Variants in NFATC3 observed in about 807,000 individuals in gnomAD.
NFATC3 encodes nuclear factor of activated T cells 3, also known as nuclear factor of activated T-cells, cytoplasmic 3.
Under a neutral mutation model 98.6 loss-of-function variants are expected in NFATC3, and 46 were observed. The ratio of observed to expected loss-of-function variants is 0.47; its 90% CI spans 0.37 to 0.60. NFATC3 has a LOEUF of 0.60. NFATC3 is among the 20% of genes least tolerant of loss of function. NFATC3 has a pLI of 0.00. For synonymous variants in NFATC3, 512 were observed against 472.2 expected, an observed-to-expected ratio of 1.08 and a Z score of -1.09; for missense variants, 1,256 against 1,295.5, an observed-to-expected ratio of 0.97 and a Z score of 0.47.
chr16:68,164,736 C>T (rs953663384), intron 4 of NFATC3, among the ~76,000 whole-genome samples: 7 of 151,512 alleles, frequency 4.6e-5, no homozygotes, highest in East Asian at 1.9e-4. Flanking sequence ...AAAAATTAGC[C>T]GGGCGTGGTG....
chr16:68,098,297 ATTATTTT>A lies in NFATC3; in HGVS notation c.103+12516_103+12522del, dbSNP rs1401310553. 1.2e-3 allele frequency among the ~76,000 whole-genome samples: 118 copies of A among 101,424 alleles called. 1 individual carries two copies. Among genetic ancestry groups the A allele is most frequent in the African/African-American group, 4.8e-3 (110 of 23,070 alleles). The allele number at this position is 101,424 out of a possible 152,430, so 66.5% of individuals were successfully genotyped here. On this transcript the variant is annotated intron_variant, in intron 1 of 9. Coordinates refer to ENST00000346183, the MANE Select transcript of NFATC3 (RefSeq NM_173165.3). ...TATTATTATTATTATTATTATTATTATTATTTTTTTTTTTTTTTTTTTAGATGGAGTC... is the reference window on the plus strand; with the variant it reads ...TATTATTATTATTATTATTATTATTATTTTTTTTTTTTTTTAGATGGAGTC...
At chr16:68,113,853 C>T (rs746143663) in intron 1 of NFATC3, among the ~76,000 whole-genome samples, 2 of 152,250 alleles carry the variant, frequency 1.3e-5, no homozygotes, top group African/African-American at 4.8e-5. Context: ...AATCTGGCCA[C>T]GATCTGCCAC....
At chr16:68,170,693 A>G (rs2039419803) in intron 5 of NFATC3, among the ~76,000 whole-genome samples, 1 of 151,876 alleles carries the variant, frequency 6.6e-6, no homozygotes. Flanking sequence ...GGGTTTTACC[A>G]TGTTGGTCAC....
At position 68,228,485 on chromosome 16, in the gene NFATC3, C is replaced by T. The variant is rs2042077824; in HGVS notation, c.*2014C>T. 2 of 152,554 alleles carry T rather than the reference C, an allele frequency of 1.3e-5. No homozygotes were observed. 9.5% of individuals were successfully genotyped at this position (152,554 alleles called of 1,614,324 possible). On this transcript the variant is annotated 3_prime_UTR_variant, in exon 10 of 10. Transcript: ENST00000346183. Reference sequence around the variant, plus strand: ...CTCAAGAATTAAAAGCCTCTATGATCCAGAGTTGCTATGCACCAAATTTTG... The same window carrying T: ...CTCAAGAATTAAAAGCCTCTATGATTCAGAGTTGCTATGCACCAAATTTTG...
At chr16:68,150,125 A>G (rs1441044000) in intron 3 of NFATC3, among the ~76,000 whole-genome samples, 2 of 152,172 alleles carry the variant, frequency 1.3e-5, no homozygotes, top group Non-Finnish European at 2.9e-5. Flanking sequence ...CATTATTATA[A>G]ACCTTTGGTG....
intron 3 of NFATC3, among the ~76,000 whole-genome samples, chr16:68,127,386 A>AT (rs1567511468): frequency 6.6e-6 from 1 of 152,002 alleles, no homozygotes; most frequent in Non-Finnish European, 1.5e-5. Context: ...AAATGAATGG[A>AT]TTTTTTTAAG....
chr16:68,223,714 G>A (rs2041945293), intron 9 of NFATC3, among the ~76,000 whole-genome samples: 1 of 151,790 alleles, frequency 6.6e-6, no homozygotes, highest in Non-Finnish European at 1.5e-5. Flanking sequence ...GGCCAAGATG[G>A]TGAAACCCTG....
chr16:68,161,723 G>A (rs759103358), intron 4 of NFATC3, among the ~76,000 whole-genome samples: 2 of 151,882 alleles, frequency 1.3e-5, no homozygotes, highest in Non-Finnish European at 2.9e-5. Flanking sequence ...ACTTCCTAGT[G>A]TTTTAAAATT....
At chr16:68,203,510 A>G (rs1021747767) in intron 9 of NFATC3, among the ~76,000 whole-genome samples, 1 of 151,540 alleles carries the variant, frequency 6.6e-6, no homozygotes, top group African/African-American at 2.4e-5. Flanking sequence ...GCGTGTGCCT[A>G]TAGTCCCAGC....
chr16:68,173,754 C>A (rs564527269), intron 5 of NFATC3, among the ~76,000 whole-genome samples: 88 of 152,210 alleles, frequency 5.8e-4, no homozygotes, highest in African/African-American at 1.8e-3. Flanking sequence ...ACATATTAAA[C>A]ATTTAAGCAA....
chr16:68,096,256 A>G (rs1057068336), intron 1 of NFATC3, among the ~76,000 whole-genome samples: 2 of 152,206 alleles, frequency 1.3e-5, no homozygotes, highest in African/African-American at 4.8e-5. Context: ...GTGAGCCACC[A>G]TGCCCACGCT....
intron 3 of NFATC3, among the ~76,000 whole-genome samples, chr16:68,135,621 G>A (rs2037361629): frequency 6.6e-6 from 1 of 151,888 alleles, no homozygotes; most frequent in Non-Finnish European, 1.5e-5. Context: ...AATTAAAGCC[G>A]ATACCTTTTA....
chr16:68,094,790 A>G (rs140879670), intron 1 of NFATC3, among the ~76,000 whole-genome samples: 1 of 152,348 alleles, frequency 6.6e-6, no homozygotes, highest in African/African-American at 2.4e-5. Context: ...TAGTTTAAAT[A>G]TATGCAAAAT....
intron 7 of NFATC3, among the ~76,000 whole-genome samples, chr16:68,182,110 G>A (rs2039972449): frequency 6.6e-6 from 1 of 152,086 alleles, no homozygotes; most frequent in South Asian, 2.1e-4. Context: ...TAATTTCTCT[G>A]AACTCATTTA....
intron 2 of NFATC3, among the ~76,000 whole-genome samples, chr16:68,124,278 T>A (rs1041636115): frequency 3.3e-5 from 5 of 151,610 alleles, no homozygotes; most frequent in Admixed American, 1.3e-4. Context: ...TTTAAAAAAA[T>A]TTTTTTTGTT....
intron 4 of NFATC3, among the ~76,000 whole-genome samples, chr16:68,162,346 T>C (rs1224849618): frequency 4.6e-5 from 7 of 152,198 alleles, no homozygotes; most frequent in Admixed American, 2.6e-4. Context: ...TAGTAGCTTG[T>C]TGAATGTAAC....
rs370673743 is a variant in NFATC3, at chr16:68,162,701, A to T, written c.1602-4142A>T. Among the ~76,000 whole-genome samples, 6 of 152,034 alleles carry T rather than the reference A, an allele frequency of 3.9e-5. No homozygotes were observed. In the East Asian group the frequency reaches 5.8e-4, roughly 15 times the overall value. ...TTCCGACAAGGTTGACTTTATAGAC[A>T]GAGAAGGGCTGAAGAAAGACAAGCA... On this transcript the variant is annotated intron_variant, in intron 4 of 9. Transcript: ENST00000346183.
chr16:68,120,686 T>C (rs1314121097), intron 1 of NFATC3, among the ~76,000 whole-genome samples: 2 of 149,832 alleles, frequency 1.3e-5, no homozygotes, highest in South Asian at 2.1e-4. Context: ...GGAGGCAAGA[T>C]TGCGCCACAG....
chr16:68,187,360 C>G (rs2151105774), intron 8 of NFATC3, among the ~76,000 whole-genome samples: 1 of 152,286 alleles, frequency 6.6e-6, no homozygotes, highest in East Asian at 1.9e-4. Flanking sequence ...TTGTTGCTGC[C>G]AACATAGCGA....
Sources: allele counts gnomAD v4.1 joint callset (sites outside exome capture counted in the v4.1 genomes callset), GRCh38; gene constraint gnomAD v4.1.1; transcripts MANE v1.5; gene names NCBI Gene and HGNC (gene_info 2026-07-23, HGNC 2026-07-21).